APC2: variants seen among roughly 807,000 people sequenced by gnomAD.
The protein encoded by APC2 is adenomatous polyposis coli protein 2.
Under a neutral mutation model 72.5 loss-of-function variants are expected in APC2, and 41 were observed. That is an observed-to-expected ratio of 0.57 (90% CI 0.44 to 0.73). APC2 has a LOEUF of 0.73. Among genes scored for constraint, APC2 ranks in the 30% least tolerant of loss-of-function variants. APC2 has a pLI of 0.00. For missense variants in APC2, 3,729 were observed against 3,403.4 expected, an observed-to-expected ratio of 1.10 and a Z score of -2.38; for synonymous variants, 1,898 against 1,612.0, an observed-to-expected ratio of 1.18 and a Z score of -4.25.
chr19:1,458,235 T>C, intron 10 of APC2, 175 bp downstream of exon 10: 2 of 634,600 alleles, frequency 3.2e-6, no homozygotes, highest in Non-Finnish European at 2.8e-6. Flanking sequence ...ACCGTCACCC[T>C]GGGCCCTCTG....
chr19:1,461,714 T>C (rs1238061680), intron 13 of APC2: 2 of 500,974 alleles, frequency 4.0e-6, no homozygotes, highest in South Asian at 3.1e-5. Context: ...TAGCCGGGCG[T>C]GGTGGCGGGT....
rs931466695 is a variant in APC2 at position 1,456,374 on chromosome 19, G to T, written c.786G>T (p.Glu262Asp). Residue 262 changes from glutamate (E) to aspartate (D), a missense_variant, in exon 8 of 15, where the codon GAG becomes GAT. Physicochemically the swap from Glu to Asp is conservative, Grantham distance 45. Transcript: ENST00000590469. The part of the protein sequence containing the change: ...DPETEVPTHP[E>D]DGTPQPGNSK... ...AGACAGAGGTCCCCACACACCCTGA[G>T]GATGGCACCCCTCAGCCGGGCAACA... The T allele has an allele frequency of 6.2e-7, 1 of 1,608,118 alleles. No homozygotes were observed. The highest frequency in any genetic ancestry group is 1.3e-5 in the African/African-American group (1 of 74,878).
Position 1,467,250 on chromosome 19 carries a change from G to T in APC2, c.3949G>T (p.Gly1317Trp). ...CGGGGGCGCCGGCCTCCACTTTGCA[G>T]GGCACCGGCGGCGGGAGGAGGGGCC... ...GAGGAGLHFAGHRRREEGPAP... is the reference protein window; with the variant it reads ...GAGGAGLHFAWHRRREEGPAP... Residue 1317 changes from glycine (G) to tryptophan (W), a missense_variant, in exon 15 of 15, where the codon GGG (glycine) becomes TGG (tryptophan). Gly to Trp is a radical substitution (Grantham distance 184, BLOSUM62 -2). Coordinates refer to ENST00000590469, the MANE Select transcript of APC2 (RefSeq NM_005883.3). The T allele has an allele frequency of 7.6e-7, 1 of 1,314,760 alleles. No homozygotes were observed. Among genetic ancestry groups the T allele is most frequent in the African/African-American group, 1.5e-5 (1 of 65,062 alleles). 81.4% of individuals were successfully genotyped at this position (1,314,760 alleles called of 1,614,324 possible). A position where few individuals can be genotyped will look rare whatever the true frequency, so the allele number is the denominator to read the frequency against.
Position 1,469,672 on chromosome 19 carries a change from C to A in APC2, c.6371C>A (p.Ala2124Asp). The stretch of plus-strand genomic sequence containing the variant: ...CCCGCGGCCCCTGCCTCAGCCGACG[C>A]CGCGCGCCGCAGCAGCGACGGGGAG... ...AVPAAPASAD[A>D]ARRSSDGEPR... The change falls in exon 15 of 15, where the codon GCC (alanine) becomes GAC (aspartate). Residue 2124 changes from alanine (A) to aspartate (D), a missense_variant. Ala to Asp is a moderately radical substitution (Grantham distance 126). Transcript: ENST00000590469. 7.9e-7 allele frequency: 1 copy of A among 1,272,024 alleles called. No homozygotes were observed. Among genetic ancestry groups the A allele is most frequent in the Non-Finnish European group, 9.9e-7 (1 of 1,014,966 alleles). The allele number at this position is 1,272,024 out of a possible 1,614,324, so 78.8% of individuals were successfully genotyped here.
chr19:1,457,044 G>T lies in APC2; in HGVS notation c.1008G>T (p.Gly336=). 1 of 1,528,654 alleles carries T rather than the reference G, an allele frequency of 6.5e-7. No individual in the cohort carries two copies. The highest frequency in any genetic ancestry group is 2.5e-5 in the East Asian group (1 of 39,898). The allele number at this position is 1,528,654 out of a possible 1,614,324, so 94.7% of individuals were successfully genotyped here. A position where few individuals can be genotyped will look rare whatever the true frequency, so the allele number is the denominator to read the frequency against. Residue 336 remains glycine, a synonymous_variant, in exon 9 of 15, where the codon GGG becomes GGT. Coordinates refer to ENST00000590469, the MANE Select transcript of APC2 (RefSeq NM_005883.3). ...CCGGGGGTCGCGCCGGGGCCCCAGG[G>T]GCACCGGGCGCCAAGGACGCACGCA... is the stretch of plus-strand genomic sequence containing the variant. The part of the protein sequence containing the change: ...AAAGGRAGAP[G]APGAKDARMR...
Position 1,450,208 on chromosome 19 carries a change from C to G in APC2, c.-149C>G, listed in dbSNP as rs993029931. On this transcript the variant is annotated 5_prime_UTR_variant, in exon 1 of 15. Transcript: ENST00000590469. ...GTCCGCCCCGGAGCCCCTGCCCGCG[C>G]CGCGGAGACCCCGGAGCCCGCGCGC... The G allele has an allele frequency of 6.1e-6, 6 of 985,236 alleles. No homozygotes were observed. In the African/African-American group the frequency reaches 1.0e-4, roughly 17 times the overall value. 61.0% of individuals were successfully genotyped at this position (985,236 alleles called of 1,614,324 possible).
chr19:1,466,135 G>C lies in APC2; in HGVS notation c.2834G>C (p.Cys945Ser). 1.9e-6 allele frequency: 3 copies of C among 1,564,866 alleles called. No homozygotes were observed. Among genetic ancestry groups the C allele is most frequent in the Non-Finnish European group, 2.6e-6 (3 of 1,165,988 alleles). Residue 945 changes from cysteine to serine, a missense_variant, in exon 15 of 15, where the codon TGC becomes TCC. Coordinates refer to ENST00000590469, the MANE Select transcript of APC2 (RefSeq NM_005883.3). ...GYCPREHMLP[C>S]PLAALASRRE... ...TGCCCACGCGAACATATGCTGCCCT[G>C]CCCGCTGGCCGCACTGGCTTCGCGC...
rs962278969 is a variant in APC2 at position 1,467,293 on chromosome 19, G to T, written c.3992G>T (p.Arg1331Leu). The change falls in exon 15 of 15, where the codon CGC (arginine) becomes CTC (leucine). Residue 1331 changes from arginine (R) to leucine (L), a missense_variant. Coordinates refer to ENST00000590469, the MANE Select transcript of APC2 (RefSeq NM_005883.3). ...GAGGGGCCGGCGCCCACGGGTTCTC[G>T]CCCTCGCGGCGCCGCGGACCAGGAG... ...REEGPAPTGS[R>L]PRGAADQELE... 4 of 1,321,538 alleles carry T rather than the reference G, an allele frequency of 3.0e-6. No individual in the cohort carries two copies. The highest frequency in any genetic ancestry group is 3.1e-5 in the African/African-American group (2 of 64,982). 81.9% of individuals were successfully genotyped at this position (1,321,538 alleles called of 1,614,324 possible). A position where few individuals can be genotyped will look rare whatever the true frequency, so the allele number is the denominator to read the frequency against.
chr19:1,458,514 CTT>C (rs2083874586), intron 10 of APC2: 1 of 160,240 alleles, frequency 6.2e-6, no homozygotes, highest in Non-Finnish European at 1.4e-5. Context: ...AGGAGGATGA[CTT>C]TAGCTCAGAA....
chr19:1,457,027 C>G lies in APC2; in HGVS notation c.991C>G (p.Arg331Gly), dbSNP rs938566336. The change falls in exon 9 of 15, where the codon CGC (arginine) becomes GGC (glycine). Residue 331 changes from arginine (R) to glycine (G), a missense_variant. Coordinates refer to ENST00000590469, the MANE Select transcript of APC2 (RefSeq NM_005883.3). Reference protein sequence around the residue: ...LHGTEAAAGGRAGAPGAPGAK... With the variant: ...LHGTEAAAGGGAGAPGAPGAK... Reference sequence around the variant, plus strand: ...CGGCACCGAGGCCGCGGCCGGGGGTCGCGCCGGGGCCCCAGGGGCACCGGG... The same window carrying G: ...CGGCACCGAGGCCGCGGCCGGGGGTGGCGCCGGGGCCCCAGGGGCACCGGG... 8 of 1,526,782 alleles carry G rather than the reference C, an allele frequency of 5.2e-6. No homozygotes were observed. In the African/African-American group the frequency reaches 9.8e-5, roughly 19 times the overall value. The allele number at this position is 1,526,782 out of a possible 1,614,324, so 94.6% of individuals were successfully genotyped here.
At chr19:1,463,519 G>C (rs1169536032) in intron 14 of APC2, among the ~76,000 whole-genome samples, 6 of 151,262 alleles carry the variant, frequency 4.0e-5, no homozygotes, top group African/African-American at 1.2e-4. Flanking sequence ...GGAGGCGGAG[G>C]TTGCAGTGTG....
chr19:1,461,810 C>T lies in APC2; in HGVS notation c.1639-153C>T. The T allele has an allele frequency of 4.6e-6, 3 of 646,166 alleles. No individual in the cohort carries two copies. In the South Asian group the frequency reaches 6.0e-5, roughly 13 times the overall value. 40.0% of individuals were successfully genotyped at this position (646,166 alleles called of 1,614,324 possible). A position where few individuals can be genotyped will look rare whatever the true frequency, so the allele number is the denominator to read the frequency against. On this transcript the variant is annotated intron_variant, in intron 13 of 14. Coordinates refer to ENST00000590469, the MANE Select transcript of APC2 (RefSeq NM_005883.3). ...GAGCCTGCAGTGAGTCGAGATCTCG[C>T]CACTGCACTCCAGCCTGGGGGAGAG...
rs1391507735 is a variant in APC2, at chr19:1,469,506, G to A, written c.6205G>A (p.Gly2069Ser). Residue 2069 changes from glycine to serine, a missense_variant, in exon 15 of 15, where the codon GGC becomes AGC. Physicochemically the swap from Gly to Ser is moderately conservative, Grantham distance 56 (BLOSUM62 0). Transcript: ENST00000590469. ...GCCCCCCGCGGCCCGACCCAGCCCT[G>A]GCGAGCGCCCTGCCCGGCGCACCAC... is the stretch of plus-strand genomic sequence containing the variant. The part of the protein sequence containing the change: ...QRPPAARPSP[G>S]ERPARRTTSE... The A allele has an allele frequency of 2.7e-5, 31 of 1,135,300 alleles. No homozygotes were observed. The highest frequency in any genetic ancestry group is 3.4e-5 in the Non-Finnish European group (31 of 923,976). 70.3% of individuals were successfully genotyped at this position (1,135,300 alleles called of 1,614,324 possible).
Position 1,450,338 on chromosome 19 carries a change from G to GGT in APC2, c.-19+7_-19+8dup. 1.0e-6 allele frequency: 1 copy of GGT among 985,524 alleles called. No homozygotes were observed. Among genetic ancestry groups the GGT allele is most frequent in the Non-Finnish European group, 1.2e-6 (1 of 829,968 alleles). 61.0% of individuals were successfully genotyped at this position (985,524 alleles called of 1,614,324 possible). ...CCGCCAGCCCAGCTGCACGTAAGCG[G>GGT]GTGTGTGTCCTCGGGGAGGAGGGCA... On this transcript the variant is annotated splice_region_variant and 5_prime_UTR_variant. Transcript: ENST00000590469.
chr19:1,446,235 C>T (rs867784323), upstream of APC2: 57 of 977,888 alleles, frequency 5.8e-5, 1 homozygote, highest in Middle Eastern at 4.2e-3. The surrounding 1 kb of genome is among the most constrained non-coding windows in gnomAD (Gnocchi z 6.1). Flanking sequence ...CCCGCACCCC[C>T]ACCCTGGCCG....
intron 1 of APC2, among the ~76,000 whole-genome samples, chr19:1,450,807 A>T (rs2083734169): frequency 6.6e-6 from 1 of 152,156 alleles, no homozygotes; most frequent in Admixed American, 6.5e-5. Flanking sequence ...CCAGGAGGCT[A>T]CACGATGCAA....
At chr19:1,464,654 G>C (rs542377988) in intron 14 of APC2, among the ~76,000 whole-genome samples, 1,298 of 113,344 alleles carry the variant, frequency 0.011, 8 homozygotes, top group Non-Finnish European at 0.015. Context: ...TTTTTTTTGA[G>C]ATGGATTCTT....
At position 1,472,707 on chromosome 19, in the gene APC2, C is replaced by T. The variant is rs951843491; in HGVS notation, c.*2494C>T. Reference sequence around the variant, plus strand: ...TGTCTCCAGAAGGGGACAGGCAGTCCGCGGTCTCTGGACAATCAACTCAAG... The same window carrying T: ...TGTCTCCAGAAGGGGACAGGCAGTCTGCGGTCTCTGGACAATCAACTCAAG... On this transcript the variant is annotated 3_prime_UTR_variant, in exon 15 of 15. Coordinates refer to ENST00000590469, the MANE Select transcript of APC2 (RefSeq NM_005883.3). The T allele has an allele frequency of 6.6e-5, 10 of 152,196 alleles. No individual in the cohort carries two copies. Among genetic ancestry groups the T allele is most frequent in the South Asian group, 2.1e-4 (1 of 4,828 alleles). 9.4% of individuals were successfully genotyped at this position (152,196 alleles called of 1,614,324 possible). A position where few individuals can be genotyped will look rare whatever the true frequency, so the allele number is the denominator to read the frequency against.
chr19:1,453,351 C>T lies in APC2; in HGVS notation c.232+14C>T. 5 of 1,610,330 alleles carry T rather than the reference C, an allele frequency of 3.1e-6. No individual in the cohort carries two copies. Among genetic ancestry groups the T allele is most frequent in the Non-Finnish European group, 2.5e-6 (3 of 1,178,824 alleles). On this transcript the variant is annotated intron_variant, in intron 3 of 14. Coordinates refer to ENST00000590469, the MANE Select transcript of APC2 (RefSeq NM_005883.3). ...AGCAGCTGAAGGGTGAGCGGTGGGGCCACCCGCAGAGGGAGTGGGGGAGGC... is the reference window on the plus strand; with the variant it reads ...AGCAGCTGAAGGGTGAGCGGTGGGGTCACCCGCAGAGGGAGTGGGGGAGGC...
Sources: gnomAD v4.1 joint callset for allele counts (sites outside exome capture counted in the v4.1 genomes callset) on GRCh38, gnomAD v4.1.1 for gene constraint, Gnocchi (gnomAD v3.1) non-coding constraint, MANE v1.5 for transcripts, NCBI Gene and HGNC (gene_info 2026-07-23, HGNC 2026-07-21) for gene names.